The following OPHN1 variants were observed in gnomAD, a reference collection of about 807,000 sequenced individuals.
The protein encoded by OPHN1 is oligophrenin 1.
A neutral mutation model predicts 60.7 loss-of-function variants in OPHN1; 11 were observed. The ratio of observed to expected loss-of-function variants is 0.18; its 90% CI spans 0.11 to 0.30. OPHN1 has a LOEUF of 0.30. Ranked by LOEUF, OPHN1 falls within the 10% of genes least tolerant of loss-of-function variation. The probability of loss-of-function intolerance (pLI) is 1.00; values close to 1 mark genes in which losing one functional copy is unlikely to be tolerated. For missense variants in OPHN1, 449 were observed against 611.0 expected, an observed-to-expected ratio of 0.73 and a Z score of 2.80; for synonymous variants, 226 against 222.6, an observed-to-expected ratio of 1.02 and a Z score of -0.14.
chrX:68,382,717 G>A (rs1198297689), intron 2 of OPHN1, among the ~76,000 whole-genome samples: 1 of 111,607 alleles, frequency 9.0e-6, no homozygotes, highest in Non-Finnish European at 1.9e-5. Flanking sequence ...ACAACTCTGT[G>A]AATATACCAC....
intron 2 of OPHN1, among the ~76,000 whole-genome samples, chrX:68,411,039 A>G (rs977334142): frequency 3.6e-5 from 4 of 112,278 alleles, no homozygotes; most frequent in Non-Finnish European, 5.6e-5. Context: ...AAATCAACTG[A>G]CAAAAGGCAA....
At chrX:68,067,172 G>T (rs2076916045) in intron 20 of OPHN1, among the ~76,000 whole-genome samples, 1 of 112,102 alleles carries the variant, frequency 8.9e-6, no homozygotes, top group South Asian at 3.8e-4. Context: ...TGACTGCAAG[G>T]ATTAGAGAGG....
At chrX:68,229,120 A>G (rs1406275042) in intron 6 of OPHN1, among the ~76,000 whole-genome samples, 1 of 111,503 alleles carries the variant, frequency 9.0e-6, no homozygotes, top group Non-Finnish European at 1.9e-5. Context: ...CACCAATAAC[A>G]GACAAACAGA....
chrX:68,415,500 T>C (rs1438650224), intron 2 of OPHN1, among the ~76,000 whole-genome samples: 2 of 111,263 alleles, frequency 1.8e-5, no homozygotes, highest in Non-Finnish European at 3.8e-5. Context: ...GTGGCTCCTG[T>C]CCTGTAGCCT....
chrX:68,179,382 T>A (rs996674611), intron 15 of OPHN1, among the ~76,000 whole-genome samples: 1 of 112,270 alleles, frequency 8.9e-6, no homozygotes, highest in Non-Finnish European at 1.9e-5. Flanking sequence ...ATGTATATCT[T>A]TGTCCAGTTC....
At chrX:68,416,065 T>TAGAGAG (rs1331857521) in intron 2 of OPHN1, among the ~76,000 whole-genome samples, 16 of 5,192 alleles carry the variant, frequency 3.1e-3, no homozygotes, top group Non-Finnish European at 8.0e-3. Flanking sequence ...TATATATATA[T>TAGAGAG]ATAGAGAGAG....
intron 2 of OPHN1, among the ~76,000 whole-genome samples, chrX:68,385,607 T>C (rs2147748348): frequency 8.9e-6 from 1 of 112,430 alleles, no homozygotes; most frequent in Admixed American, 9.5e-5. Flanking sequence ...CTACATTTCA[T>C]ATTCTGAAAC....
intron 15 of OPHN1, among the ~76,000 whole-genome samples, chrX:68,179,892 T>C (rs1195566548): frequency 9.0e-6 from 1 of 111,585 alleles, no homozygotes; most frequent in African/African-American, 3.3e-5. Flanking sequence ...GCCAGACTTA[T>C]TGTTTTATCA....
rs200356243 is a variant in OPHN1, at chrX:68,400,601, TC to T, written c.154+32265del. Among the ~76,000 whole-genome samples the T allele has an allele frequency of 1.7e-3, 177 of 102,605 alleles. 3 individuals carry two copies. Among genetic ancestry groups the T allele is most frequent in the Middle Eastern group, 0.015 (3 of 206 alleles). The allele number at this position is 102,605 out of a possible 115,157, so 89.1% of individuals were successfully genotyped here. On this transcript the variant is annotated intron_variant, in intron 2 of 24. Coordinates refer to ENST00000355520, the MANE Select transcript of OPHN1 (RefSeq NM_002547.3). ...TTTCTTCTCTCTTTTTTTTCTTTTT[TC>T]TTTTTTCTTTTTTTTTTGAGATGGA...
chrX:68,109,499 T>G (rs886292897), intron 18 of OPHN1, among the ~76,000 whole-genome samples: 3 of 111,770 alleles, frequency 2.7e-5, no homozygotes, highest in African/African-American at 9.7e-5. Flanking sequence ...CAAGATTTTG[T>G]GTGGAGACAT....
At chrX:68,179,662 C>A (rs1342736503) in intron 15 of OPHN1, among the ~76,000 whole-genome samples, 3 of 111,906 alleles carry the variant, frequency 2.7e-5, no homozygotes, top group Non-Finnish European at 5.6e-5. Flanking sequence ...CCTGATGTTT[C>A]CTCTTAGCAT....
Position 68,359,437 on chromosome X carries a change from T to C in OPHN1, c.155-60341A>G, listed in dbSNP as rs764065838. On this transcript the variant is annotated intron_variant, in intron 2 of 24. Transcript: ENST00000355520. ...CATAGAAGGAAAATATAAGAGACAA[T>C]TGAAAGGAAATTTCCCTGGGGCGTG... Among the ~76,000 whole-genome samples the C allele has an allele frequency of 2.0e-3, 222 of 111,082 alleles. 1 individual carries two copies. The highest frequency in any genetic ancestry group is 6.7e-3 in the African/African-American group (204 of 30,624).
chrX:68,331,626 G>A (rs774573234), intron 2 of OPHN1, among the ~76,000 whole-genome samples: 1 of 107,358 alleles, frequency 9.3e-6, no homozygotes, highest in Non-Finnish European at 1.9e-5. Context: ...AACTACCTGG[G>A]AAGCTGAAAC....
chrX:68,196,894 A>G (rs2077514961), intron 12 of OPHN1, among the ~76,000 whole-genome samples: 1 of 112,078 alleles, frequency 8.9e-6, no homozygotes, highest in Non-Finnish European at 1.9e-5. Context: ...TTCTGAAGAA[A>G]AGCTCATGGG....
chrX:68,314,258 A>G (rs1260398262), intron 2 of OPHN1, among the ~76,000 whole-genome samples: 1 of 112,399 alleles, frequency 8.9e-6, no homozygotes, highest in Non-Finnish European at 1.9e-5. Context: ...ACAGTGGCTC[A>G]TGCCTGCAAT....
rs750410980 is a variant in OPHN1 at position 68,406,206 on chromosome X, G to C, written c.154+26661C>G. Among the ~76,000 whole-genome samples the C allele has an allele frequency of 1.9e-4, 21 of 110,213 alleles. No individual in the cohort carries two copies. The South Asian group carries it at 8.1e-3, about 43-fold the overall frequency. ...ATGCAACTCATAATCCTGTTTTCTGGGTCAGAAAATAAAACAGATATTATT... is the reference window on the plus strand; with the variant it reads ...ATGCAACTCATAATCCTGTTTTCTGCGTCAGAAAATAAAACAGATATTATT... On this transcript the variant is annotated intron_variant, in intron 2 of 24. Transcript: ENST00000355520.
intron 19 of OPHN1, among the ~76,000 whole-genome samples, chrX:68,095,636 G>A (rs756936224): frequency 9.0e-6 from 1 of 111,143 alleles, no homozygotes; most frequent in South Asian, 3.8e-4. Context: ...CATCCACCCA[G>A]TCAGCCAAGT....
chrX:68,422,659 AAAG>A (rs1358832256), intron 2 of OPHN1, among the ~76,000 whole-genome samples: 11 of 96,488 alleles, frequency 1.1e-4, no homozygotes, highest in Middle Eastern at 5.3e-3. Context: ...GGGAGGGAGG[AAAG>A]AAGAAGAAAG....
chrX:68,181,284 A>G (rs2037583272), intron 15 of OPHN1, among the ~76,000 whole-genome samples: 2 of 111,361 alleles, frequency 1.8e-5, no homozygotes, highest in African/African-American at 3.3e-5. Context: ...TTGCTATTAT[A>G]CATACTAAGG....
Sources: gnomAD v4.1 joint callset for allele counts (sites outside exome capture counted in the v4.1 genomes callset) on GRCh38, gnomAD v4.1.1 for gene constraint, MANE v1.5 for transcripts, NCBI Gene and HGNC (gene_info 2026-07-23, HGNC 2026-07-21) for gene names.